PCDHGA2: variants seen among roughly 807,000 people sequenced by gnomAD.
The protein encoded by PCDHGA2 is protocadherin gamma-A2.
A neutral mutation model predicts 59.2 loss-of-function variants in PCDHGA2; 40 were observed. The observed-to-expected ratio is 0.68, with a 90% CI of 0.52 to 0.88. The LOEUF (loss-of-function observed/expected upper bound fraction) is 0.88, where lower values mean the gene tolerates loss of function less well. Among genes scored for constraint, PCDHGA2 ranks in the 40% least tolerant of loss-of-function variants. The pLI, the probability that PCDHGA2 is intolerant of heterozygous loss-of-function variation, is 0.00. For synonymous variants in PCDHGA2, 560 were observed against 526.0 expected (o/e 1.06, Z -0.89); for missense variants, 1,226 against 1,204.0 (o/e 1.02, Z -0.27).
At position 141,340,796 on chromosome 5, in the gene PCDHGA2, C is replaced by T; in HGVS notation, c.1825C>T (p.Leu609Phe). 1.2e-6 allele frequency: 2 copies of T among 1,613,886 alleles called. No homozygotes were observed. Among genetic ancestry groups the T allele is most frequent in the Non-Finnish European group, 1.7e-6 (2 of 1,180,022 alleles). ...GQNAWLSYHL[L>F]KASEPGLFSV... ...GAACGCCTGGCTGTCTTACCACCTG[C>T]TCAAGGCCAGCGAGCCGGGACTCTT... The change falls in exon 1 of 4, where the codon CTC (leucine) becomes TTC (phenylalanine). Residue 609 changes from leucine to phenylalanine, a missense_variant. By Grantham distance (22) the Leu-to-Phe change is conservative (BLOSUM62 0). Coordinates refer to ENST00000394576, the MANE Select transcript of PCDHGA2 (RefSeq NM_018915.4).
intron 1 of PCDHGA2, among the ~76,000 whole-genome samples, chr5:141,386,181 G>C (rs908249495): frequency 3.3e-5 from 5 of 152,138 alleles, no homozygotes; most frequent in Non-Finnish European, 5.9e-5. Flanking sequence ...ACCATCTTAT[G>C]TACACAGATC....
chr5:141,414,702 A>G, intron 1 of PCDHGA2: 1 of 1,613,974 alleles, frequency 6.2e-7, no homozygotes, highest in Non-Finnish European at 8.5e-7. Context: ...CCTCATACAT[A>G]TCCATCAACT....
rs746539261 is a variant in PCDHGA2, at chr5:141,415,336, C to A, written c.2424+73941C>A. On this transcript the variant is annotated intron_variant, in intron 1 of 3. Transcript: ENST00000394576. ...CATCGTGCTGCTGGCGCACAGGCTG[C>A]GGCGCTGGCACAAGTCACGCCTGCT... 7 of 1,614,200 alleles carry A rather than the reference C, an allele frequency of 4.3e-6. 1 individual carries two copies. The South Asian group carries it at 7.7e-5, about 18-fold the overall frequency.
At chr5:141,460,368 G>A (rs1005554535) in intron 1 of PCDHGA2, among the ~76,000 whole-genome samples, 1 of 152,050 alleles carries the variant, frequency 6.6e-6, no homozygotes. Context: ...AAGTTTTATA[G>A]TTTTACCATT....
At chr5:141,443,093 C>T (rs1316602934) in intron 1 of PCDHGA2, among the ~76,000 whole-genome samples, 2 of 151,940 alleles carry the variant, frequency 1.3e-5, no homozygotes, top group African/African-American at 4.8e-5. Flanking sequence ...CAGTCTCCTT[C>T]TCAAGCTGAA....
In PCDHGA2 at chr5:141,400,299, A is replaced by G. The variant is rs374558900; in HGVS notation, c.2424+58904A>G. The G allele has an allele frequency of 9.8e-5, 158 of 1,613,834 alleles. 1 individual carries two copies. In the East Asian group the frequency reaches 1.2e-3, roughly 12 times the overall value. ...GCCCTGCCGCCTGGAGCTGCTTCCAACCTGGTCTCTGTGTCAAGTCTGGAC... is the reference window on the plus strand; with the variant it reads ...GCCCTGCCGCCTGGAGCTGCTTCCAGCCTGGTCTCTGTGTCAAGTCTGGAC... On this transcript the variant is annotated intron_variant, in intron 1 of 3. Coordinates refer to ENST00000394576, the MANE Select transcript of PCDHGA2 (RefSeq NM_018915.4).
Position 141,409,958 on chromosome 5 carries a change from T to C in PCDHGA2, c.2424+68563T>C. ...GGTACCTCGCTCTGCAGAGCCCGGC[T>C]ACCTAGTGACTAAGGTGGTAGCGGT... On this transcript the variant is annotated intron_variant, in intron 1 of 3. Transcript: ENST00000394576. 6.2e-7 allele frequency: 1 copy of C among 1,613,394 alleles called. No individual in the cohort carries two copies.
chr5:141,497,003 A>C (rs928317358), intron 2 of PCDHGA2, among the ~76,000 whole-genome samples: 2 of 152,148 alleles, frequency 1.3e-5, no homozygotes, highest in African/African-American at 4.8e-5. Context: ...CTGGCAGCCA[A>C]CATGGTGAAA....
intron 1 of PCDHGA2, chr5:141,395,109 A>C (rs1181706209): frequency 6.2e-7 from 1 of 1,614,210 alleles, no homozygotes; most frequent in Non-Finnish European, 8.5e-7. Flanking sequence ...CTCGCGGAAG[A>C]GTCACCTGAT....
At chr5:141,355,606 G>A (rs1379031705) in intron 1 of PCDHGA2, 2 of 1,614,008 alleles carry the variant, frequency 1.2e-6, no homozygotes, top group East Asian at 2.2e-5. Context: ...TTTTGGGACA[G>A]AACAGAGGGA....
At chr5:141,420,521 C>A in intron 1 of PCDHGA2, 1 of 378,418 alleles carries the variant, frequency 2.6e-6, no homozygotes, top group Non-Finnish European at 4.4e-6. Context: ...AGTAAAATAC[C>A]TTTCGGTTAA....
chr5:141,342,253 T>G (rs560315850), intron 1 of PCDHGA2: 6 of 152,172 alleles, frequency 3.9e-5, no homozygotes, highest in Non-Finnish European at 8.8e-5. Context: ...TCTTTATACA[T>G]CTCTCTTCTC....
chr5:141,502,694 G>A (rs1039264846), intron 2 of PCDHGA2, among the ~76,000 whole-genome samples: 5 of 152,180 alleles, frequency 3.3e-5, no homozygotes, highest in African/African-American at 1.2e-4. Flanking sequence ...ATCCTTGCCT[G>A]TATCTGTTTT....
At chr5:141,389,337 G>T (rs756804360) in intron 1 of PCDHGA2, 7 of 1,614,014 alleles carry the variant, frequency 4.3e-6, no homozygotes, top group Non-Finnish European at 5.9e-6. Flanking sequence ...CAACGGCCAA[G>T]TCTCTTACTG....
chr5:141,379,238 A>C (rs1775465373), intron 1 of PCDHGA2: 1 of 152,242 alleles, frequency 6.6e-6, no homozygotes, highest in Non-Finnish European at 1.5e-5. Flanking sequence ...CTGAACCAAT[A>C]TTGTGGTATT....
chr5:141,414,781 G>T, intron 1 of PCDHGA2: 2 of 1,614,230 alleles, frequency 1.2e-6, no homozygotes, highest in Non-Finnish European at 1.7e-6. Flanking sequence ...ACAGATGCAG[G>T]TGACAGCCAG....
intron 1 of PCDHGA2, among the ~76,000 whole-genome samples, chr5:141,438,223 CA>C: frequency 6.6e-6 from 1 of 151,912 alleles, no homozygotes; most frequent in Non-Finnish European, 1.5e-5. Context: ...GGCTCTGGTT[CA>C]GGAAAATGTT....
chr5:141,456,878 G>A (rs71583646), intron 1 of PCDHGA2, among the ~76,000 whole-genome samples: 21 of 152,162 alleles, frequency 1.4e-4, no homozygotes, highest in African/African-American at 2.4e-4. Flanking sequence ...CAGGAGAATC[G>A]CTTGAACCCG....
intron 1 of PCDHGA2, among the ~76,000 whole-genome samples, chr5:141,463,572 C>T (rs1462125489): frequency 6.6e-6 from 1 of 151,572 alleles, no homozygotes; most frequent in African/African-American, 2.4e-5. Context: ...CCTCAGCCTC[C>T]CGAGTAGCTG....
Sources: allele counts gnomAD v4.1 joint callset (sites outside exome capture counted in the v4.1 genomes callset), GRCh38; gene constraint gnomAD v4.1.1; transcripts MANE v1.5; gene names NCBI Gene and HGNC (gene_info 2026-07-23, HGNC 2026-07-21).